The following SORL1 variants were observed in gnomAD, a reference collection of about 807,000 sequenced individuals.
SORL1 encodes sortilin-related receptor.
In SORL1, 127 loss-of-function variants were observed where a neutral mutation model predicts 273.7. That is an observed-to-expected ratio of 0.46 (90% CI 0.40 to 0.54). The LOEUF (loss-of-function observed/expected upper bound fraction) is 0.54. Ranked by LOEUF, SORL1 falls within the 20% of genes least tolerant of loss-of-function variation. The pLI is 0.00. For synonymous variants in SORL1, 1,031 were observed against 1,067.4 expected (o/e 0.97, Z 0.66); for missense variants, 2,494 against 2,846.1 (o/e 0.88, Z 2.81).
chr11:121,536,229 G>C (rs1862264845), intron 12 of SORL1, among the ~76,000 whole-genome samples: 1 of 152,144 alleles, frequency 6.6e-6, no homozygotes, highest in African/African-American at 2.4e-5. Context: ...CCACGCAGCA[G>C]AGCAGCTGTC....
At chr11:121,465,554 G>A (rs944236544) in intron 1 of SORL1, among the ~76,000 whole-genome samples, 4 of 151,282 alleles carry the variant, frequency 2.6e-5, no homozygotes, top group African/African-American at 9.7e-5. Context: ...TTGAGACGGA[G>A]TCTCGCTCTG....
intron 24 of SORL1, chr11:121,576,907 T>C (rs1261842071): frequency 6.5e-7 from 1 of 1,535,742 alleles, no homozygotes; most frequent in Admixed American, 2.0e-5. Flanking sequence ...AGGAGTCCTC[T>C]GTTTCTTGAA....
Position 121,514,294 on chromosome 11 carries a change from G to A in SORL1, c.1184G>A (p.Gly395Glu). The change falls in exon 8 of 48, where the codon GGA (glycine) becomes GAA (glutamate). Residue 395 changes from glycine (G) to glutamate (E), a missense_variant. Around this residue, in one of 3 missense-constraint regions of SORL1, gnomAD observed 710 missense variants for 882.5 expected, o/e 0.80. Coordinates refer to ENST00000260197, the MANE Select transcript of SORL1 (RefSeq NM_003105.6). Reference protein sequence around the residue: ...SLENVLYYSPGGAGSDTLVRY... With the variant: ...SLENVLYYSPEGAGSDTLVRY... The stretch of plus-strand genomic sequence containing the variant: ...GAGAACGTGCTCTATTACAGCCCAG[G>A]AGGGGCCGGCAGTGACACCTTGGTG... The A allele has an allele frequency of 1.2e-6, 2 of 1,614,104 alleles. No individual in the cohort carries two copies. Among genetic ancestry groups the A allele is most frequent in the South Asian group, 2.2e-5 (2 of 91,080 alleles).
intron 1 of SORL1, among the ~76,000 whole-genome samples, chr11:121,466,709 G>C (rs1861087361): frequency 6.6e-6 from 1 of 152,104 alleles, no homozygotes; most frequent in African/African-American, 2.4e-5. Context: ...AACTAGGTCT[G>C]CTGTGGGGGG....
intron 28 of SORL1, among the ~76,000 whole-genome samples, chr11:121,588,884 C>T (rs765418157): frequency 6.6e-6 from 1 of 152,116 alleles, no homozygotes; most frequent in Non-Finnish European, 1.5e-5. Context: ...TCTAAATTTC[C>T]TCTTCTGTAA....
chr11:121,562,605 G>C (rs1862694252), intron 21 of SORL1, among the ~76,000 whole-genome samples: 1 of 152,172 alleles, frequency 6.6e-6, no homozygotes, highest in African/African-American at 2.4e-5. Flanking sequence ...GGTTATCAGG[G>C]TGTCAAAGTA....
rs1157152660 is a variant in SORL1 at position 121,590,436 on chromosome 11, C to T, written c.4213+262C>T. ...TCCTACTCAAAGTATGGTTTGCAACCAGTAGCATCTGCATCTCCTTGGAAC... is the reference window on the plus strand; with the variant it reads ...TCCTACTCAAAGTATGGTTTGCAACTAGTAGCATCTGCATCTCCTTGGAAC... On this transcript the variant is annotated intron_variant, in intron 30 of 47. Coordinates refer to ENST00000260197, the MANE Select transcript of SORL1 (RefSeq NM_003105.6). 6 of 501,388 alleles carry T rather than the reference C, an allele frequency of 1.2e-5. No homozygotes were observed. The South Asian group carries it at 1.6e-4, about 13-fold the overall frequency. 31.1% of individuals were successfully genotyped at this position (501,388 alleles called of 1,614,324 possible). A position where few individuals can be genotyped will look rare whatever the true frequency, so the allele number is the denominator to read the frequency against.
intron 41 of SORL1, among the ~76,000 whole-genome samples, chr11:121,616,367 C>T (rs1477065122): frequency 6.6e-6 from 1 of 152,188 alleles, no homozygotes; most frequent in Non-Finnish European, 1.5e-5. Context: ...CTCTTTAGTT[C>T]ATTGAGGACC....
In SORL1 at chr11:121,514,295, A is replaced by C. The variant is rs531047921; in HGVS notation, c.1185A>C (p.Gly395=). The change falls in exon 8 of 48, where the codon GGA becomes GGC. Residue 395 remains glycine (G), a synonymous_variant. Coordinates refer to ENST00000260197, the MANE Select transcript of SORL1 (RefSeq NM_003105.6). The part of the protein sequence containing the change: ...SLENVLYYSP[G]GAGSDTLVRY... ...AGAACGTGCTCTATTACAGCCCAGG[A>C]GGGGCCGGCAGTGACACCTTGGTGA... The C allele has an allele frequency of 3.0e-5, 49 of 1,613,902 alleles. No individual in the cohort carries two copies. Among genetic ancestry groups the C allele is most frequent in the Non-Finnish European group, 4.1e-5 (48 of 1,179,998 alleles).
intron 3 of SORL1, among the ~76,000 whole-genome samples, chr11:121,484,304 G>A (rs1336166944): frequency 6.6e-6 from 1 of 152,146 alleles, no homozygotes; most frequent in Non-Finnish European, 1.5e-5. Flanking sequence ...ATCAAACCTG[G>A]TATCACCCTC....
At chr11:121,475,489 T>C (rs888842612) in intron 2 of SORL1, among the ~76,000 whole-genome samples, 1 of 152,190 alleles carries the variant, frequency 6.6e-6, no homozygotes, top group African/African-American at 2.4e-5. Flanking sequence ...TCTTTGATAG[T>C]GAAGGTGGTT....
chr11:121,543,830 T>C (rs982912129), intron 13 of SORL1, 104 bp downstream of exon 13: 2 of 1,113,088 alleles, frequency 1.8e-6, no homozygotes, highest in African/African-American at 3.1e-5. Context: ...AGCCTGACAT[T>C]CATTGGGGGA....
intron 24 of SORL1, among the ~76,000 whole-genome samples, chr11:121,575,173 G>A (rs1051790738): frequency 6.6e-6 from 1 of 152,166 alleles, no homozygotes; most frequent in Non-Finnish European, 1.5e-5. Context: ...GCTTATTCAA[G>A]GTGACACAAT....
chr11:121,489,211 CT>C (rs1861516748), intron 4 of SORL1, among the ~76,000 whole-genome samples: 1 of 152,112 alleles, frequency 6.6e-6, no homozygotes, highest in Non-Finnish European at 1.5e-5. Context: ...TTTTCTTCCT[CT>C]TTTTTGTGCG....
At chr11:121,589,162 A>G (rs1440163597) in intron 28 of SORL1, 97 bp from the exon 29 acceptor site, 3 of 1,388,344 alleles carry the variant, frequency 2.2e-6, no homozygotes, top group Non-Finnish European at 3.1e-6. Context: ...CTTTGCCAGA[A>G]CTCACTGCTG....
In SORL1 at chr11:121,543,611, G is replaced by A. The variant is rs146864372; in HGVS notation, c.1749G>A (p.Val583=). ...TCTTCTCTGAGAAGCCAGTGTTTGTGTATGGCCTCCTCACAGAACCTGGGG... is the reference window on the plus strand; with the variant it reads ...TCTTCTCTGAGAAGCCAGTGTTTGTATATGGCCTCCTCACAGAACCTGGGG... ...TFIFSEKPVF[V]YGLLTEPGEK... Residue 583 remains valine (V), a synonymous_variant, in exon 13 of 48, where the codon GTG becomes GTA. Coordinates refer to ENST00000260197, the MANE Select transcript of SORL1 (RefSeq NM_003105.6). The A allele has an allele frequency of 5.6e-4, 903 of 1,614,132 alleles. 3 individuals carry two copies. The highest frequency in any genetic ancestry group is 9.8e-4 in the Admixed American group (59 of 60,030).
At chr11:121,506,967 C>T (rs1861797651) in intron 6 of SORL1, among the ~76,000 whole-genome samples, 1 of 151,856 alleles carries the variant, frequency 6.6e-6, no homozygotes, top group South Asian at 2.1e-4. Context: ...CTAAATTTTT[C>T]CCAGGTGTTT....
intron 21 of SORL1, among the ~76,000 whole-genome samples, chr11:121,562,054 A>T (rs1032561143): frequency 3.3e-5 from 5 of 152,066 alleles, no homozygotes; most frequent in Non-Finnish European, 7.4e-5. Flanking sequence ...TTGGACACTG[A>T]TAGGACACTT....
At chr11:121,453,098 G>A (rs1306291952) in intron 1 of SORL1, 1 of 153,624 alleles carries the variant, frequency 6.5e-6, no homozygotes, top group Non-Finnish European at 1.4e-5. Context: ...TGTACAGTCA[G>A]ACAAGAGGTG....
Sources: gnomAD v4.1 joint callset for allele counts (sites outside exome capture counted in the v4.1 genomes callset) on GRCh38, gnomAD v4.1.1 for gene constraint, gnomAD v4.1.1 regional missense constraint, MANE v1.5 for transcripts, NCBI Gene and HGNC (gene_info 2026-07-23, HGNC 2026-07-21) for gene names.